PCOLCE2: variants seen among roughly 807,000 people sequenced by gnomAD.
PCOLCE2 encodes procollagen C-proteinase enhancer 2.
A neutral mutation model predicts 47.0 loss-of-function variants in PCOLCE2; 42 were observed. The ratio of observed to expected loss-of-function variants is 0.89; its 90% CI spans 0.70 to 1.16. The LOEUF is 1.16. PCOLCE2 is among the 50% of genes most tolerant of loss of function. PCOLCE2 has a pLI of 0.00. For synonymous variants in PCOLCE2, 169 were observed against 191.7 expected (o/e 0.88, Z 0.98); for missense variants, 500 against 526.1 (o/e 0.95, Z 0.49).
chr3:142,837,780 T>C (rs1578033784), intron 5 of PCOLCE2, among the ~76,000 whole-genome samples: 1 of 152,256 alleles, frequency 6.6e-6, no homozygotes, highest in Non-Finnish European at 1.5e-5. Context: ...AATACAGTTA[T>C]ATATTGCAGC....
intron 4 of PCOLCE2, among the ~76,000 whole-genome samples, chr3:142,839,724 A>C (rs1010923297): frequency 6.6e-6 from 1 of 152,272 alleles, no homozygotes; most frequent in African/African-American, 2.4e-5. Context: ...CAATGTATAC[A>C]TATATCAAAA....
At chr3:142,821,881 T>C (rs1361419142) in intron 7 of PCOLCE2, among the ~76,000 whole-genome samples, 1 of 152,052 alleles carries the variant, frequency 6.6e-6, no homozygotes, top group Non-Finnish European at 1.5e-5. Context: ...CAGTTCCTTG[T>C]GGTGTAGGAC....
chr3:142,886,391 C>CGCCTGTA (rs1933719152), intron 2 of PCOLCE2, among the ~76,000 whole-genome samples: 16 of 151,672 alleles, frequency 1.1e-4, no homozygotes, highest in African/African-American at 3.4e-4. Flanking sequence ...ACAATCACGA[C>CGCCTGTA]ATGAAAATCA....
At chr3:142,840,952 G>A (rs908399053) in intron 4 of PCOLCE2, among the ~76,000 whole-genome samples, 1 of 151,904 alleles carries the variant, frequency 6.6e-6, no homozygotes, top group African/African-American at 2.4e-5. Context: ...GCGGGTTCCT[G>A]TAGTCCCAAC....
Position 142,860,827 on chromosome 3 carries a change from T to C in PCOLCE2, c.193-12355A>G, listed in dbSNP as rs1188927242. Among the ~76,000 whole-genome samples the C allele has an allele frequency of 2.0e-5, 3 of 152,224 alleles. No individual in the cohort carries two copies. In the South Asian group the frequency reaches 6.2e-4, roughly 31 times the overall value. On this transcript the variant is annotated intron_variant, in intron 2 of 8. Coordinates refer to ENST00000295992, the MANE Select transcript of PCOLCE2 (RefSeq NM_013363.4). ...ATTCTCTTCTTGGAAACACCCATTC[T>C]GGAGCTCTCCTTCCTCCTGCCCACC...
In PCOLCE2 at chr3:142,818,197, G is replaced by A. The variant is rs1029885418; in HGVS notation, c.*138C>T. 22 of 771,436 alleles carry A rather than the reference G, an allele frequency of 2.9e-5. No homozygotes were observed. The South Asian group carries it at 3.7e-4, about 13-fold the overall frequency. The allele number at this position is 771,436 out of a possible 1,614,324, so 47.8% of individuals were successfully genotyped here. ...CTCGGAGGCCTCATACCTCCATCAT[G>A]TGAAGAGTCAACCAGTCCCATCTTT... On this transcript the variant is annotated 3_prime_UTR_variant, in exon 9 of 9. Coordinates refer to ENST00000295992, the MANE Select transcript of PCOLCE2 (RefSeq NM_013363.4).
intron 2 of PCOLCE2, 159 bp downstream of exon 2, chr3:142,887,510 A>G (rs1578054952): frequency 1.7e-6 from 1 of 598,850 alleles, no homozygotes; most frequent in Non-Finnish European, 3.0e-6. Flanking sequence ...GATCTATTAT[A>G]TTAATAAAAA....
At chr3:142,824,003 G>GAATC (rs1339407313) in intron 6 of PCOLCE2, among the ~76,000 whole-genome samples, 5 of 152,132 alleles carry the variant, frequency 3.3e-5, no homozygotes, top group African/African-American at 1.2e-4. Context: ...TTTACAAAAG[G>GAATC]AATCATAGGG....
chr3:142,866,523 T>C (rs1933286060), intron 2 of PCOLCE2, among the ~76,000 whole-genome samples: 1 of 152,176 alleles, frequency 6.6e-6, no homozygotes, highest in Admixed American at 6.5e-5. Context: ...ATAAAATATT[T>C]TGACTGTTTC....
At chr3:142,848,548 AGTGT>A (rs1323530861) in intron 2 of PCOLCE2, 76 bp from the exon 3 acceptor site, 17 of 1,247,384 alleles carry the variant, frequency 1.4e-5, no homozygotes, top group Non-Finnish European at 1.9e-5. Context: ...CACTTACTTA[AGTGT>A]GTAAAGTATA....
At chr3:142,822,285 C>CA (rs1442644220) in intron 7 of PCOLCE2, among the ~76,000 whole-genome samples, 1 of 151,918 alleles carries the variant, frequency 6.6e-6, no homozygotes. Context: ...TTGTGACAAC[C>CA]AAAAAAATGC....
intron 2 of PCOLCE2, among the ~76,000 whole-genome samples, chr3:142,860,460 T>C (rs1933159141): frequency 6.6e-6 from 1 of 152,024 alleles, no homozygotes; most frequent in Admixed American, 6.5e-5. Flanking sequence ...TTTTGTTTGA[T>C]TGCAATGTCG....
chr3:142,821,750 T>G (rs1332471518), intron 7 of PCOLCE2, among the ~76,000 whole-genome samples: 7 of 152,116 alleles, frequency 4.6e-5, no homozygotes, highest in African/African-American at 1.4e-4. Context: ...TTTCATTATG[T>G]AAACCCCTGT....
At chr3:142,860,477 C>T (rs1578044100) in intron 2 of PCOLCE2, among the ~76,000 whole-genome samples, 3 of 152,054 alleles carry the variant, frequency 2.0e-5, no homozygotes, top group South Asian at 4.2e-4. Context: ...GTCGCGATCT[C>T]GGCTCACTGC....
intron 2 of PCOLCE2, among the ~76,000 whole-genome samples, chr3:142,857,322 C>G (rs1004441837): frequency 1.3e-5 from 2 of 152,158 alleles, no homozygotes; most frequent in Non-Finnish European, 2.9e-5. Context: ...TCCTTGAAAG[C>G]TGTTAGTTGT....
At chr3:142,867,212 T>G (rs922655821) in intron 2 of PCOLCE2, among the ~76,000 whole-genome samples, 1 of 152,196 alleles carries the variant, frequency 6.6e-6, no homozygotes, top group Non-Finnish European at 1.5e-5. Flanking sequence ...AGCTGTTCTC[T>G]TCTTTCTTGC....
intron 4 of PCOLCE2, among the ~76,000 whole-genome samples, chr3:142,840,023 C>T (rs1937249366): frequency 6.6e-6 from 1 of 152,086 alleles, no homozygotes; most frequent in South Asian, 2.1e-4. Context: ...TAGAGTTGTT[C>T]CCCTTTTGAG....
In PCOLCE2 at chr3:142,823,611, T is replaced by C. The variant is rs1219843028; in HGVS notation, c.870A>G (p.Leu290=). 6.3e-7 allele frequency: 1 copy of C among 1,587,990 alleles called. No individual in the cohort carries two copies. Among genetic ancestry groups the C allele is most frequent in the African/African-American group, 1.3e-5 (1 of 74,470 alleles). ...VTTTFPVTTG[L]KPTVALCQQK... ...GTTGACACAAGGCCACGGTGGGTTT[T>C]AAACCTTAATTCAAAGAAGACATAA... The change falls in exon 7 of 9, where the codon TTA becomes TTG. Residue 290 remains leucine, a synonymous_variant. Transcript: ENST00000295992.
intron 5 of PCOLCE2, among the ~76,000 whole-genome samples, chr3:142,834,425 A>G (rs1037323601): frequency 3.3e-5 from 5 of 152,226 alleles, no homozygotes; most frequent in African/African-American, 1.2e-4. Flanking sequence ...CTTTTAAAAT[A>G]TATTTTAGCA....
Sources: allele counts gnomAD v4.1 joint callset (sites outside exome capture counted in the v4.1 genomes callset), GRCh38; gene constraint gnomAD v4.1.1; transcripts MANE v1.5; gene names NCBI Gene and HGNC (gene_info 2026-07-23, HGNC 2026-07-21).